The following CUL4A variants were observed in gnomAD, a reference collection of about 807,000 sequenced individuals.
CUL4A encodes the protein cullin-4A.
A neutral mutation model predicts 95.5 loss-of-function variants in CUL4A; 16 were observed. That is an observed-to-expected ratio of 0.17 (90% CI 0.11 to 0.25). The LOEUF is 0.25. Among genes scored for constraint, CUL4A ranks in the 10% least tolerant of loss-of-function variants. The probability of loss-of-function intolerance (pLI) is 1.00; values close to 1 mark genes in which losing one functional copy is unlikely to be tolerated. For missense variants in CUL4A, 610 were observed against 937.0 expected (o/e 0.65, Z 4.56); for synonymous variants, 380 against 353.1 (o/e 1.08, Z -0.85).
At chr13:113,249,257 T>C (rs1490799916) in intron 15 of CUL4A, among the ~76,000 whole-genome samples, 1 of 152,066 alleles carries the variant, frequency 6.6e-6, no homozygotes, top group African/African-American at 2.4e-5. Context: ...GTACCATACA[T>C]GAGCGCTTTA....
intron 15 of CUL4A, among the ~76,000 whole-genome samples, chr13:113,248,141 A>C (rs978657236): frequency 6.6e-5 from 10 of 151,778 alleles, no homozygotes; most frequent in Non-Finnish European, 8.8e-5. Flanking sequence ...ATCACTAAGT[A>C]ATCTGTGAGG....
chr13:113,245,498 C>T (rs542206890), intron 14 of CUL4A, among the ~76,000 whole-genome samples: 1 of 152,228 alleles, frequency 6.6e-6, no homozygotes, highest in East Asian at 1.9e-4. Flanking sequence ...TGCAGTGAGC[C>T]GTGACTGCAC....
chr13:113,262,758 T>A (rs2042315381), intron 19 of CUL4A, among the ~76,000 whole-genome samples: 1 of 152,266 alleles, frequency 6.6e-6, no homozygotes, highest in Non-Finnish European at 1.5e-5. Context: ...TAAAAATGTG[T>A]CACGTGATCG....
upstream of CUL4A, chr13:113,208,718 G>C: frequency 6.6e-7 from 1 of 1,512,208 alleles, no homozygotes; most frequent in South Asian, 1.2e-5. Context: ...GTCCGTCTGG[G>C]TCCTGGCGCC....
chr13:113,255,190 A>T, intron 18 of CUL4A, 65 bp downstream of exon 18: 1 of 1,331,896 alleles, frequency 7.5e-7, no homozygotes, highest in South Asian at 1.4e-5. Context: ...TTTTTGTAGT[A>T]ATGTTTTTGG....
At position 113,260,627 on chromosome 13, in the gene CUL4A, C is replaced by T; in HGVS notation, c.2052C>T (p.Thr684=). The change falls in exon 19 of 20, where the codon ACC becomes ACT. Residue 684 remains threonine, a synonymous_variant. Transcript: ENST00000375440. ...MKETVEEQVS[T]TERVFQDRQY... is the part of the protein sequence containing the mutation. ...TACAGGTTGAGGAACAGGTTAGCACCACTGAGAGAGTGTTTCAGGATAGAC... is the reference window on the plus strand; with the variant it reads ...TACAGGTTGAGGAACAGGTTAGCACTACTGAGAGAGTGTTTCAGGATAGAC... 1.9e-6 allele frequency: 3 copies of T among 1,610,982 alleles called. No homozygotes were observed. The highest frequency in any genetic ancestry group is 2.5e-6 in the Non-Finnish European group (3 of 1,179,200).
intron 2 of CUL4A, among the ~76,000 whole-genome samples, chr13:113,212,079 A>G (rs1212798782): frequency 2.0e-5 from 3 of 152,208 alleles, no homozygotes; most frequent in Non-Finnish European, 4.4e-5. Context: ...GCATCTTTGT[A>G]TTTACTTGCC....
chr13:113,224,278 G>A lies in CUL4A; in HGVS notation c.369-3698G>A, dbSNP rs1024263789. 9.9e-5 allele frequency among the ~76,000 whole-genome samples: 15 copies of A among 151,996 alleles called. 1 individual carries two copies. The highest frequency in any genetic ancestry group is 2.1e-4 in the South Asian group (1 of 4,820). Reference sequence around the variant, plus strand: ...TGAGGCAGGAGAATGGCATGAACCCGGGAGGCAGATCTTGCAGTGAGCCGA... The same window carrying A: ...TGAGGCAGGAGAATGGCATGAACCCAGGAGGCAGATCTTGCAGTGAGCCGA... On this transcript the variant is annotated intron_variant, in intron 3 of 19. Coordinates refer to ENST00000375440, the MANE Select transcript of CUL4A (RefSeq NM_001008895.4).
At chr13:113,230,437 A>G (rs888601301) in intron 5 of CUL4A, among the ~76,000 whole-genome samples, 2 of 152,198 alleles carry the variant, frequency 1.3e-5, no homozygotes, top group South Asian at 2.1e-4. Context: ...TGAAGCTCCC[A>G]TTAATGCCAT....
chr13:113,223,117 C>CTTT, intron 3 of CUL4A, among the ~76,000 whole-genome samples: 1 of 152,128 alleles, frequency 6.6e-6, no homozygotes, highest in South Asian at 2.1e-4. Context: ...GTACGTTAAC[C>CTTT]TAGTAAACAT....
chr13:113,209,036 C>G (rs2040202650), upstream of CUL4A: 1 of 393,076 alleles, frequency 2.5e-6, no homozygotes, highest in Admixed American at 6.7e-5. Context: ...CGCGCGCGCC[C>G]GAGGAGGGGG....
chr13:113,261,352 C>G (rs2042270258), intron 19 of CUL4A, among the ~76,000 whole-genome samples: 1 of 152,136 alleles, frequency 6.6e-6, no homozygotes. Flanking sequence ...AGGGACAGGA[C>G]CGGCCACACG....
chr13:113,228,906 G>A (rs1426797582), intron 4 of CUL4A, among the ~76,000 whole-genome samples: 1 of 151,874 alleles, frequency 6.6e-6, no homozygotes, highest in South Asian at 2.1e-4. Context: ...GGATCACGAG[G>A]TCAGGAGATC....
intron 2 of CUL4A, among the ~76,000 whole-genome samples, chr13:113,213,773 C>T (rs1449450878): frequency 6.6e-6 from 1 of 152,202 alleles, no homozygotes; most frequent in East Asian, 1.9e-4. Context: ...ACTGGTTCCT[C>T]CTTGGAATGA....
At chr13:113,233,113 G>C in intron 5 of CUL4A, 64 bp from the exon 6 acceptor site, 1 of 1,525,722 alleles carries the variant, frequency 6.6e-7, no homozygotes. Flanking sequence ...CATAGCTGGA[G>C]ATTCACCCAT....
Position 113,219,027 on chromosome 13 carries a change from C to A in CUL4A, c.347C>A (p.Ala116Glu). Reference sequence around the variant, plus strand: ...CAGGCCTGTGAAGACCACGTCCAGGCACAGATCCTTCCGTTTAGAGAATAT... The same window carrying A: ...CAGGCCTGTGAAGACCACGTCCAGGAACAGATCCTTCCGTTTAGAGAATAT... ...LRQACEDHVQ[A>E]QILPFREDSL... The change falls in exon 3 of 20, where the codon GCA becomes GAA. Residue 116 changes from alanine (A) to glutamate (E), a missense_variant. Ala to Glu is a moderately radical substitution (Grantham distance 107). Transcript: ENST00000375440. 1 of 1,609,954 alleles carries A rather than the reference C, an allele frequency of 6.2e-7. No homozygotes were observed. The highest frequency in any genetic ancestry group is 1.1e-5 in the South Asian group (1 of 90,070).
intron 14 of CUL4A, 126 bp downstream of exon 14, chr13:113,245,363 A>G (rs2041829196): frequency 3.6e-6 from 3 of 825,444 alleles, no homozygotes; most frequent in Non-Finnish European, 5.9e-6. Context: ...GAAGTTCAAA[A>G]CTACCCTGAT....
intron 5 of CUL4A, chr13:113,229,984 G>C (rs550200461): frequency 3.1e-6 from 1 of 318,570 alleles, no homozygotes; most frequent in South Asian, 1.5e-4. Context: ...TATACACCAG[G>C]GGTTCTGGGG....
intron 15 of CUL4A, among the ~76,000 whole-genome samples, chr13:113,251,002 C>G (rs960127756): frequency 2.6e-5 from 4 of 152,086 alleles, no homozygotes; most frequent in Non-Finnish European, 4.4e-5. Flanking sequence ...CAGGGCACAG[C>G]TTAGACAGAA....
Sources: allele counts gnomAD v4.1 joint callset (sites outside exome capture counted in the v4.1 genomes callset), GRCh38; gene constraint gnomAD v4.1.1; transcripts MANE v1.5; gene names NCBI Gene and HGNC (gene_info 2026-07-23, HGNC 2026-07-21).